Variants in OPCML observed in about 807,000 individuals in gnomAD.
OPCML encodes the protein opioid binding protein/cell adhesion molecule like, also known as opioid-binding protein/cell adhesion molecule.
OPCML carries 13 observed loss-of-function variants against 37.8 expected under a neutral mutation model. The ratio of observed to expected loss-of-function variants is 0.34; its 90% CI spans 0.22 to 0.55. The LOEUF (loss-of-function observed/expected upper bound fraction) is 0.55. OPCML is among the 20% of genes least tolerant of loss of function. The pLI is 0.91. For synonymous variants in OPCML, 176 were observed against 168.8 expected, an observed-to-expected ratio of 1.04 and a Z score of -0.33; for missense variants, 341 against 435.6, an observed-to-expected ratio of 0.78 and a Z score of 1.93.
chr11:133,475,229 TTTG>T (rs1029856206), intron 1 of OPCML, among the ~76,000 whole-genome samples: 1 of 138,692 alleles, frequency 7.2e-6, no homozygotes, highest in Non-Finnish European at 1.5e-5. Flanking sequence ...TTGTTGTTTT[TTTG>T]TTGTTGTTGT....
chr11:132,529,326 C>G, intron 3 of OPCML, 140 bp from the exon 4 acceptor site: 1 of 1,021,640 alleles, frequency 9.8e-7, no homozygotes, highest in South Asian at 1.9e-5. Context: ...GCTTGATTTG[C>G]CAAGGATATG....
chr11:133,142,333 C>G (rs1949835632), intron 1 of OPCML, among the ~76,000 whole-genome samples: 1 of 152,198 alleles, frequency 6.6e-6, no homozygotes, highest in Non-Finnish European at 1.5e-5. Flanking sequence ...TTATCCCACT[C>G]TGGTCAGAAT....
At chr11:133,018,177 A>G (rs1947373784) in intron 1 of OPCML, among the ~76,000 whole-genome samples, 1 of 152,150 alleles carries the variant, frequency 6.6e-6, no homozygotes, top group Non-Finnish European at 1.5e-5. Context: ...TAGGGTTGTT[A>G]CTTTCCTTTT....
chr11:133,073,183 G>A lies in OPCML; in HGVS notation c.62-130173C>T, dbSNP rs183170145. ...CCCCCATTAGTCATGGGTTCTTAAC[G>A]ATCTCAGACTCTGGTTAACACCTGA... On this transcript the variant is annotated intron_variant, in intron 1 of 7. Transcript: ENST00000524381. Among the ~76,000 whole-genome samples the A allele has an allele frequency of 3.1e-4, 47 of 152,258 alleles. 1 individual carries two copies. Among genetic ancestry groups the A allele is most frequent in the East Asian group, 1.7e-3 (9 of 5,160 alleles).
In OPCML at chr11:132,506,186, A is replaced by G. The variant is rs183338448; in HGVS notation, c.505+22875T>C. Reference sequence around the variant, plus strand: ...TATGCTCAGGAAATACTCCAATTGCATTTGACAGCAACAAAAAAATCTTCA... The same window carrying G: ...TATGCTCAGGAAATACTCCAATTGCGTTTGACAGCAACAAAAAAATCTTCA... On this transcript the variant is annotated intron_variant, in intron 4 of 7. Transcript: ENST00000524381. Among the ~76,000 whole-genome samples, 10 of 152,306 alleles carry G rather than the reference A, an allele frequency of 6.6e-5. No individual in the cohort carries two copies. The East Asian group carries it at 1.5e-3, about 24-fold the overall frequency.
chr11:132,620,876 T>G (rs779982205), intron 3 of OPCML, among the ~76,000 whole-genome samples: 1 of 152,186 alleles, frequency 6.6e-6, no homozygotes, highest in Non-Finnish European at 1.5e-5. Context: ...GAATCACATT[T>G]CATCTGAGGT....
At chr11:132,761,509 T>TC (rs1946266403) in intron 2 of OPCML, among the ~76,000 whole-genome samples, 1 of 151,738 alleles carries the variant, frequency 6.6e-6, no homozygotes, top group African/African-American at 2.4e-5. Context: ...TCATTCCTTT[T>TC]TATTCTTTTT....
At chr11:133,449,552 A>C (rs1946537584) in intron 1 of OPCML, among the ~76,000 whole-genome samples, 1 of 152,110 alleles carries the variant, frequency 6.6e-6, no homozygotes, top group Admixed American at 6.5e-5. Context: ...GAAGTCTGAA[A>C]TCAAGGTTCC....
intron 3 of OPCML, among the ~76,000 whole-genome samples, chr11:132,582,084 G>A (rs1044553426): frequency 9.3e-5 from 14 of 149,774 alleles, no homozygotes; most frequent in Admixed American, 4.0e-4. Flanking sequence ...GAAATGATGG[G>A]ACAACTATTC....
chr11:132,688,543 T>A lies in OPCML; in HGVS notation c.147-31224A>T, dbSNP rs191825666. Among the ~76,000 whole-genome samples the A allele has an allele frequency of 3.0e-3, 453 of 152,274 alleles. 4 individuals are homozygous for A. Among genetic ancestry groups the A allele is most frequent in the South Asian group, 0.021 (102 of 4,824 alleles). On this transcript the variant is annotated intron_variant, in intron 2 of 7. Coordinates refer to ENST00000524381, the MANE Select transcript of OPCML (RefSeq NM_001012393.5). ...TTAGAAATTGTCTTTTTTAACCTTT[T>A]TCAAGGAATGATAGTATATTCAATG...
intron 2 of OPCML, among the ~76,000 whole-genome samples, chr11:132,766,179 A>C (rs1023936090): frequency 1.3e-5 from 2 of 152,182 alleles, no homozygotes; most frequent in Admixed American, 1.3e-4. Flanking sequence ...CTATATAAGG[A>C]ATGATGGCAT....
chr11:133,018,726 C>G (rs528094710), intron 1 of OPCML, among the ~76,000 whole-genome samples: 1 of 152,334 alleles, frequency 6.6e-6, no homozygotes, highest in East Asian at 1.9e-4. Flanking sequence ...TCTTCCTGAT[C>G]CCAGAGGGCA....
chr11:132,926,549 C>A (rs1565970705), intron 2 of OPCML, among the ~76,000 whole-genome samples: 1 of 152,190 alleles, frequency 6.6e-6, no homozygotes, highest in Non-Finnish European at 1.5e-5. Context: ...GGCCTAAGAA[C>A]TTAAGCCATC....
intron 3 of OPCML, among the ~76,000 whole-genome samples, chr11:132,567,717 T>G (rs886979550): frequency 3.3e-5 from 5 of 152,234 alleles, no homozygotes; most frequent in Non-Finnish European, 7.3e-5. Context: ...CTTTTATTTA[T>G]TTTAATGTTC....
intron 1 of OPCML, among the ~76,000 whole-genome samples, chr11:133,144,486 C>T (rs1476484673): frequency 5.3e-5 from 8 of 152,346 alleles, no homozygotes; most frequent in African/African-American, 1.7e-4. Flanking sequence ...GGGATGGACT[C>T]GATTTGTGAG....
intron 2 of OPCML, among the ~76,000 whole-genome samples, chr11:132,854,580 C>A (rs1450660726): frequency 2.0e-5 from 3 of 152,164 alleles, no homozygotes; most frequent in Admixed American, 2.0e-4. Context: ...GGACTCTTAG[C>A]ACTGAAGAGA....
chr11:133,286,468 C>CAT (rs1942302758), intron 1 of OPCML, among the ~76,000 whole-genome samples: 1 of 29,542 alleles, frequency 3.4e-5, no homozygotes. Context: ...GACTGTGTCT[C>CAT]ACAAAAAAAA....
rs146453413 is a variant in OPCML at position 132,601,351 on chromosome 11, A to G, written c.379+55736T>C. Among the ~76,000 whole-genome samples, 182 of 152,240 alleles carry G rather than the reference A, an allele frequency of 1.2e-3. 1 individual carries two copies. Among genetic ancestry groups the G allele is most frequent in the African/African-American group, 4.1e-3 (169 of 41,536 alleles). On this transcript the variant is annotated intron_variant, in intron 3 of 7. Coordinates refer to ENST00000524381, the MANE Select transcript of OPCML (RefSeq NM_001012393.5). ...CCACCTGGGATTACTTAACAAACCA[A>G]TTCCCCACAGTTACATAACCATGTA...
chr11:132,659,704 CTG>C (rs58318033), intron 2 of OPCML, among the ~76,000 whole-genome samples: 5,892 of 146,720 alleles, frequency 0.04, 183 homozygotes, highest in African/African-American at 0.092. Flanking sequence ...CACAAAATTC[CTG>C]TGTGTGTGTG....
Sources: gnomAD v4.1 joint callset for allele counts (sites outside exome capture counted in the v4.1 genomes callset) on GRCh38, gnomAD v4.1.1 for gene constraint, MANE v1.5 for transcripts, NCBI Gene and HGNC (gene_info 2026-07-23, HGNC 2026-07-21) for gene names.